Variants in TNPO1 observed in about 807,000 individuals in gnomAD.
TNPO1 encodes transportin-1.
TNPO1 carries 8 observed loss-of-function variants against 119.5 expected under a neutral mutation model. The observed-to-expected ratio is 0.07, with a 90% CI of 0.04 to 0.12. The LOEUF is 0.12. TNPO1 is among the 10% of genes least tolerant of loss of function. The pLI is 1.00. For missense variants in TNPO1, 576 were observed against 1,089.8 expected (o/e 0.53, Z 6.64); for synonymous variants, 362 against 363.0 (o/e 1.00, Z 0.03).
chr5:72,858,594 T>C (rs1364840737), intron 4 of TNPO1, among the ~76,000 whole-genome samples: 5 of 152,124 alleles, frequency 3.3e-5, no homozygotes, highest in African/African-American at 1.2e-4. Flanking sequence ...TCCCAGCACT[T>C]TGGGAGGCCA....
intron 5 of TNPO1, among the ~76,000 whole-genome samples, chr5:72,862,607 A>G (rs1270427840): frequency 6.6e-6 from 1 of 151,812 alleles, no homozygotes; most frequent in African/African-American, 2.4e-5. Flanking sequence ...GATTACAGGC[A>G]TGAGCCACTG....
chr5:72,859,415 G>A (rs577100294), intron 4 of TNPO1, among the ~76,000 whole-genome samples: 1 of 152,070 alleles, frequency 6.6e-6, no homozygotes, highest in Admixed American at 6.6e-5. Context: ...GCTCCTTGAG[G>A]GAAAGGACCA....
rs1226759152 is a variant in TNPO1 at position 72,903,705 on chromosome 5, A to G, written c.2515-4A>G. 4 of 1,597,492 alleles carry G rather than the reference A, an allele frequency of 2.5e-6. No individual in the cohort carries two copies. In the Admixed American group the frequency reaches 5.2e-5, roughly 21 times the overall value. On this transcript the variant is annotated splice_polypyrimidine_tract_variant and splice_region_variant and intron_variant, in intron 22 of 24. Transcript: ENST00000337273. The stretch of plus-strand genomic sequence containing the variant: ...ACCTAAGATGTATTTCTTGCTTGTT[A>G]CAGGATTTTATATTTTTTTGTGATG...
Position 72,865,277 on chromosome 5 carries a change from A to G in TNPO1, c.463-319A>G, listed in dbSNP as rs148767632. ...GCCAACACAGTGAAACCCCATCTCT[A>G]CAAAAAATACAAAACTTAGCCGGGC... On this transcript the variant is annotated intron_variant, in intron 5 of 24. Transcript: ENST00000337273. Among the ~76,000 whole-genome samples, 323 of 152,058 alleles carry G rather than the reference A, an allele frequency of 2.1e-3. 3 individuals carry two copies. The highest frequency in any genetic ancestry group is 7.1e-3 in the African/African-American group (294 of 41,480).
At chr5:72,853,392 G>A (rs1745737649) in intron 3 of TNPO1, among the ~76,000 whole-genome samples, 1 of 152,192 alleles carries the variant, frequency 6.6e-6, no homozygotes, top group African/African-American at 2.4e-5. Flanking sequence ...AGTGAGCTGT[G>A]ATCGTGCCAC....
intron 23 of TNPO1, among the ~76,000 whole-genome samples, chr5:72,904,444 C>CT (rs1715229235): frequency 6.6e-6 from 1 of 152,206 alleles, no homozygotes; most frequent in Admixed American, 6.5e-5. Flanking sequence ...TAAGCATATG[C>CT]TATGAGGTAC....
rs531843334 is a variant in TNPO1 at position 72,908,796 on chromosome 5, ATACAG to A, written c.*128_*132del. 944 of 388,398 alleles carry A rather than the reference ATACAG, an allele frequency of 2.4e-3. 1 individual carries two copies. Among genetic ancestry groups the A allele is most frequent in the Non-Finnish European group, 4.0e-3 (762 of 192,772 alleles). 24.1% of individuals were successfully genotyped at this position (388,398 alleles called of 1,614,324 possible). A position where few individuals can be genotyped will look rare whatever the true frequency, so the allele number is the denominator to read the frequency against. ...GGGGGGAAGGGTAAACCAGTAGGGA[ATACAG>A]TACAATCCCAACCCTACTGGGAGGG... is the stretch of plus-strand genomic sequence containing the variant. On this transcript the variant is annotated 3_prime_UTR_variant, in exon 25 of 25. Coordinates refer to ENST00000337273, the MANE Select transcript of TNPO1 (RefSeq NM_002270.4).
Position 72,861,303 on chromosome 5 carries a change from C to T in TNPO1, c.356-505C>T, listed in dbSNP as rs186807216. ...TACTTGGTAAATTTAACTCAAAAAA[C>T]CTTAGAGGGTGAAATGTTGAAAAAC... On this transcript the variant is annotated intron_variant, in intron 4 of 24. Transcript: ENST00000337273. Among the ~76,000 whole-genome samples, 163 of 152,238 alleles carry T rather than the reference C, an allele frequency of 1.1e-3. 1 individual carries two copies. The highest frequency in any genetic ancestry group is 3.9e-3 in the African/African-American group (161 of 41,532).
At chr5:72,895,551 C>T (rs998113501) in intron 18 of TNPO1, among the ~76,000 whole-genome samples, 3 of 152,038 alleles carry the variant, frequency 2.0e-5, no homozygotes, top group South Asian at 4.2e-4. Context: ...GACAGCTCCC[C>T]TTCCCCCCAA....
chr5:72,848,249 C>T, intron 1 of TNPO1, 136 bp from the exon 2 acceptor site: 1 of 1,291,844 alleles, frequency 7.7e-7, no homozygotes, highest in Non-Finnish European at 9.9e-7. Context: ...GCACCTCAGG[C>T]AGGTCCGCGG....
intron 1 of TNPO1, among the ~76,000 whole-genome samples, chr5:72,844,148 C>T (rs1034065918): frequency 1.3e-5 from 2 of 152,116 alleles, no homozygotes; most frequent in Non-Finnish European, 2.9e-5. Context: ...TGATCTATTG[C>T]CAGGACAGAC....
At chr5:72,823,954 A>T (rs1019761750) in intron 1 of TNPO1, among the ~76,000 whole-genome samples, 2 of 151,894 alleles carry the variant, frequency 1.3e-5, no homozygotes, top group Non-Finnish European at 2.9e-5. Flanking sequence ...TCCCATCCTC[A>T]CCTTCAGCTC....
intron 14 of TNPO1, among the ~76,000 whole-genome samples, chr5:72,890,980 T>C (rs1749006001): frequency 6.6e-6 from 1 of 151,886 alleles, no homozygotes. Context: ...CAGCCTCCCC[T>C]GTAGCTGAGA....
chr5:72,868,677 C>A (rs565920141), intron 6 of TNPO1, among the ~76,000 whole-genome samples: 1 of 152,026 alleles, frequency 6.6e-6, no homozygotes, highest in Non-Finnish European at 1.5e-5. Context: ...ATGACTAAAG[C>A]TTCAAATTGA....
chr5:72,822,903 C>A (rs1198974661), intron 1 of TNPO1, among the ~76,000 whole-genome samples: 13 of 129,026 alleles, frequency 1.0e-4, no homozygotes, highest in Non-Finnish European at 1.4e-4. Flanking sequence ...TGGCCTGGGT[C>A]TACACTTTTT....
At chr5:72,900,861 T>C (rs1289343077) in intron 21 of TNPO1, 113 bp from the exon 22 acceptor site, 2 of 584,144 alleles carry the variant, frequency 3.4e-6, no homozygotes, top group African/African-American at 1.9e-5. Context: ...AAAACTCTTT[T>C]AATATAATCA....
Position 72,816,750 on chromosome 5 carries a change from C to A in TNPO1, c.13C>A (p.Arg5=), listed in dbSNP as rs368728150. 1.5e-4 allele frequency: 236 copies of A among 1,585,500 alleles called. No individual in the cohort carries two copies. The highest frequency in any genetic ancestry group is 1.7e-4 in the Non-Finnish European group (204 of 1,167,826). ...CGAGGCGTCTGGGATGGTGTGGGAC[C>A]GGGTAGGTGGCGTGAGGGTGCGCGG... MVWD[R]QTKMEYEWKP... is the part of the protein sequence containing the mutation. Residue 5 remains arginine, a splice_region_variant and synonymous_variant, in exon 1 of 25, where the codon CGG becomes AGG. Transcript: ENST00000337273.
intron 1 of TNPO1, among the ~76,000 whole-genome samples, chr5:72,841,266 C>T (rs754662539): frequency 6.6e-6 from 1 of 151,876 alleles, no homozygotes; most frequent in Non-Finnish European, 1.5e-5. Flanking sequence ...TACAGGCGCC[C>T]GCTACCACAC....
intron 11 of TNPO1, among the ~76,000 whole-genome samples, chr5:72,883,964 G>A (rs986742140): frequency 2.0e-5 from 3 of 151,350 alleles, no homozygotes; most frequent in Non-Finnish European, 2.9e-5. Flanking sequence ...TGCCCAGGCT[G>A]GTCTTGAACT....
Sources: gnomAD v4.1 joint callset for allele counts (sites outside exome capture counted in the v4.1 genomes callset) on GRCh38, gnomAD v4.1.1 for gene constraint, MANE v1.5 for transcripts, NCBI Gene and HGNC (gene_info 2026-07-23, HGNC 2026-07-21) for gene names.